The following ZNF366 variants were observed in gnomAD, a reference collection of about 807,000 sequenced individuals.
ZNF366 encodes dendritic cell-specific transcript protein.
A neutral mutation model predicts 47.2 loss-of-function variants in ZNF366; 20 were observed. The ratio of observed to expected loss-of-function variants is 0.42; its 90% CI spans 0.30 to 0.62. ZNF366 has a LOEUF of 0.62. Ranked by LOEUF, ZNF366 falls within the 20% of genes least tolerant of loss-of-function variation. The probability of loss-of-function intolerance (pLI) is 0.16; values close to 1 mark genes in which losing one functional copy is unlikely to be tolerated. For missense variants in ZNF366, 987 were observed against 976.3 expected (o/e 1.01, Z -0.15); for synonymous variants, 421 against 395.1 (o/e 1.07, Z -0.78).
intron 1 of ZNF366, among the ~76,000 whole-genome samples, chr5:72,480,333 A>G (rs1743766811): frequency 1.3e-5 from 2 of 152,202 alleles, no homozygotes; most frequent in South Asian, 4.1e-4. Flanking sequence ...TTTTCTTGGA[A>G]GGTTTGGCAA....
At chr5:72,466,505 G>C (rs1342421249) in intron 1 of ZNF366, among the ~76,000 whole-genome samples, 1 of 152,144 alleles carries the variant, frequency 6.6e-6, no homozygotes, top group Non-Finnish European at 1.5e-5. Context: ...AATAGTGCTG[G>C]GTCAACACTA....
chr5:72,449,294 G>A (rs1580231190), intron 3 of ZNF366, among the ~76,000 whole-genome samples: 1 of 147,700 alleles, frequency 6.8e-6, no homozygotes, highest in East Asian at 2.0e-4. Flanking sequence ...TGTCAAGGCT[G>A]GAGTGCAGTG....
chr5:72,472,511 A>G, intron 1 of ZNF366: 6 of 984,004 alleles, frequency 6.1e-6, no homozygotes, highest in Non-Finnish European at 7.2e-6. Flanking sequence ...GAACAGAGGA[A>G]GAATTTGGGG....
chr5:72,457,305 G>T (rs74909643), intron 2 of ZNF366, among the ~76,000 whole-genome samples: 36 of 152,212 alleles, frequency 2.4e-4, no homozygotes, highest in African/African-American at 8.4e-4. Context: ...TTGAACCAAG[G>T]CCCTTAATTG....
chr5:72,485,289 G>A (rs1293653255), intron 1 of ZNF366, among the ~76,000 whole-genome samples: 1 of 152,178 alleles, frequency 6.6e-6, no homozygotes, highest in African/African-American at 2.4e-5. Context: ...CAGGGATCCT[G>A]TTAGTTCACA....
intron 1 of ZNF366, among the ~76,000 whole-genome samples, chr5:72,482,747 TG>T (rs1743814824): frequency 4.0e-4 from 5 of 12,618 alleles, no homozygotes; most frequent in Non-Finnish European, 6.5e-4. Context: ...ATTTCTATTT[TG>T]TGTGTGTGTG....
At chr5:72,493,833 C>T (rs1407248954) in intron 1 of ZNF366, among the ~76,000 whole-genome samples, 1 of 151,664 alleles carries the variant, frequency 6.6e-6, no homozygotes, top group Non-Finnish European at 1.5e-5. Flanking sequence ...CAGCTCACTG[C>T]AACCTCTGCC....
At chr5:72,482,149 A>G (rs1432040294) in intron 1 of ZNF366, among the ~76,000 whole-genome samples, 1 of 152,194 alleles carries the variant, frequency 6.6e-6, no homozygotes, top group Non-Finnish European at 1.5e-5. Context: ...TTGCTCTTCC[A>G]GGAGTATGAA....
chr5:72,480,314 T>A (rs1362305024), intron 1 of ZNF366, among the ~76,000 whole-genome samples: 1 of 152,236 alleles, frequency 6.6e-6, no homozygotes, highest in African/African-American at 2.4e-5. Flanking sequence ...AGATTCTGCA[T>A]AAAGAATATT....
chr5:72,459,370 A>G (rs1743255788), intron 2 of ZNF366, among the ~76,000 whole-genome samples: 1 of 152,172 alleles, frequency 6.6e-6, no homozygotes, highest in Admixed American at 6.5e-5. Context: ...GGCTCAGAGC[A>G]GGTTCCATAC....
chr5:72,474,299 G>A (rs1258448876), intron 1 of ZNF366, among the ~76,000 whole-genome samples: 2 of 152,168 alleles, frequency 1.3e-5, no homozygotes, highest in South Asian at 2.1e-4. Flanking sequence ...CGGAGCTGGG[G>A]CAGCTAAGCC....
chr5:72,458,321 C>T (rs943121538), intron 2 of ZNF366, among the ~76,000 whole-genome samples: 10 of 152,170 alleles, frequency 6.6e-5, no homozygotes, highest in Non-Finnish European at 1.5e-4. Context: ...CGGCCAGCAT[C>T]TTTCTTCTCT....
Position 72,443,571 on chromosome 5 carries a change from G to A in ZNF366, c.*185C>T. ...ATGAAGACCCTGCACATGTGTGAAG[G>A]GTATCAAGGGCCCCGTGAATGACCT... On this transcript the variant is annotated 3_prime_UTR_variant, in exon 5 of 5. Coordinates refer to ENST00000318442, the MANE Select transcript of ZNF366 (RefSeq NM_152625.3). 3.2e-6 allele frequency: 2 copies of A among 628,792 alleles called. No individual in the cohort carries two copies. The highest frequency in any genetic ancestry group is 2.1e-5 in the South Asian group (1 of 48,476). The allele number at this position is 628,792 out of a possible 1,614,324, so 39.0% of individuals were successfully genotyped here. A position where few individuals can be genotyped will look rare whatever the true frequency, so the allele number is the denominator to read the frequency against.
chr5:72,481,869 G>T (rs1743795458), intron 1 of ZNF366, among the ~76,000 whole-genome samples: 1 of 152,140 alleles, frequency 6.6e-6, no homozygotes, highest in African/African-American at 2.4e-5. Flanking sequence ...AACCCCTGAG[G>T]TGAAGAGAAT....
chr5:72,477,910 T>C (rs1341002343), intron 1 of ZNF366, among the ~76,000 whole-genome samples: 1 of 151,972 alleles, frequency 6.6e-6, no homozygotes, highest in Non-Finnish European at 1.5e-5. Flanking sequence ...TGACCTGAGG[T>C]CTATAGTTTG....
At chr5:72,489,125 C>T (rs1026570675) in intron 1 of ZNF366, among the ~76,000 whole-genome samples, 1 of 152,086 alleles carries the variant, frequency 6.6e-6, no homozygotes, top group African/African-American at 2.4e-5. Context: ...CCTGTAATCC[C>T]AGCCCTTTGG....
chr5:72,449,041 C>A (rs924936907), intron 3 of ZNF366, among the ~76,000 whole-genome samples: 1 of 152,080 alleles, frequency 6.6e-6, no homozygotes, highest in Non-Finnish European at 1.5e-5. Context: ...AAATGGTGAC[C>A]TAAGAGGGGA....
chr5:72,486,120 ACT>A (rs1453436045), intron 1 of ZNF366, among the ~76,000 whole-genome samples: 1 of 152,060 alleles, frequency 6.6e-6, no homozygotes, highest in Admixed American at 6.6e-5. Flanking sequence ...CTAGAATGCA[ACT>A]CTGTGTACAC....
At chr5:72,498,919 T>C (rs539295848) in intron 1 of ZNF366, among the ~76,000 whole-genome samples, 4 of 152,348 alleles carry the variant, frequency 2.6e-5, no homozygotes, top group East Asian at 1.9e-4. Context: ...TTCTCACCAT[T>C]AAATGTCCTT....
Sources: allele counts gnomAD v4.1 joint callset (sites outside exome capture counted in the v4.1 genomes callset), GRCh38; gene constraint gnomAD v4.1.1; transcripts MANE v1.5; gene names NCBI Gene and HGNC (gene_info 2026-07-23, HGNC 2026-07-21).